Variants in ARK2N observed in about 807,000 individuals in gnomAD.
ARK2N encodes the protein protein ARK2N.
chr18:46,191,812 C>T, the ARK2N span, among the ~76,000 whole-genome samples: 11 of 152,136 alleles, frequency 7.2e-5, no homozygotes, highest in Admixed American at 6.5e-4. Context: ...CCTCTGTGCT[C>T]GGCCTCTTCA....
At chr18:46,247,725 T>C in the ARK2N span, among the ~76,000 whole-genome samples, 1 of 152,200 alleles carries the variant, frequency 6.6e-6, no homozygotes, top group Non-Finnish European at 1.5e-5. Context: ...CTGGCTGGAG[T>C]GCAGTGGTAT....
chr18:46,215,839 A>G, the ARK2N span: 9 of 1,551,246 alleles, frequency 5.8e-6, no homozygotes, highest in Admixed American at 1.6e-4. Flanking sequence ...CTTTGATATC[A>G]TTTCCTAGAC....
At chr18:46,210,851 C>T in the ARK2N span, among the ~76,000 whole-genome samples, 162 of 150,612 alleles carry the variant, frequency 1.1e-3, 1 homozygote, top group African/African-American at 3.8e-3. Flanking sequence ...GCAGAGGTTA[C>T]AGTGAGCCAG....
chr18:46,249,055 C>G, the ARK2N span, among the ~76,000 whole-genome samples: 1 of 152,166 alleles, frequency 6.6e-6, no homozygotes, highest in Admixed American at 6.5e-5. Flanking sequence ...GTTGTACTTA[C>G]CTGGCAGAGT....
At chr18:46,243,882 T>C in the ARK2N span, among the ~76,000 whole-genome samples, 1 of 152,234 alleles carries the variant, frequency 6.6e-6, no homozygotes, top group Non-Finnish European at 1.5e-5. Context: ...TAGTAGGCCC[T>C]CAGAAATGCT....
the ARK2N span, among the ~76,000 whole-genome samples, chr18:46,179,365 G>A: frequency 2.6e-5 from 4 of 152,078 alleles, no homozygotes; most frequent in Non-Finnish European, 5.9e-5. Flanking sequence ...TCCAGTCTTG[G>A]TTTTGAGTTT....
the ARK2N span, among the ~76,000 whole-genome samples, chr18:46,201,222 ATCCT>A: frequency 4.0e-5 from 6 of 151,854 alleles, no homozygotes; most frequent in Non-Finnish European, 7.4e-5. Flanking sequence ...AGCTCAAGAG[ATCCT>A]TCCTTACCTT....
the ARK2N span, among the ~76,000 whole-genome samples, chr18:46,211,576 G>A: frequency 6.6e-6 from 1 of 152,186 alleles, no homozygotes; most frequent in Non-Finnish European, 1.5e-5. Context: ...GAGATTGAAG[G>A]TGATAGGTCA....
chr18:46,203,058 GA>G, the ARK2N span, among the ~76,000 whole-genome samples: 4 of 152,146 alleles, frequency 2.6e-5, no homozygotes, highest in African/African-American at 9.7e-5. Flanking sequence ...CAAATTGATG[GA>G]AGCATTTGGG....
At chr18:46,204,104 CTTT>C in the ARK2N span, among the ~76,000 whole-genome samples, 4 of 132,610 alleles carry the variant, frequency 3.0e-5, no homozygotes, top group Non-Finnish European at 3.3e-5. Context: ...TTTTTATGTT[CTTT>C]TTTTTTTTTT....
the ARK2N span, among the ~76,000 whole-genome samples, chr18:46,197,299 A>G: frequency 2.6e-5 from 4 of 152,050 alleles, no homozygotes; most frequent in African/African-American, 7.2e-5. Flanking sequence ...CAGTGGTGCA[A>G]TCATGGCTCA....
chr18:46,263,372 C>A, the ARK2N span: 1 of 311,582 alleles, frequency 3.2e-6, no homozygotes, highest in Non-Finnish European at 5.9e-6. Flanking sequence ...TATTAGACAA[C>A]TTTATTTTAC....
At chr18:46,179,431 C>T in the ARK2N span, among the ~76,000 whole-genome samples, 2 of 152,040 alleles carry the variant, frequency 1.3e-5, no homozygotes, top group Non-Finnish European at 2.9e-5. Context: ...TACCTCTTTT[C>T]CTTACTTTTT....
At chr18:46,262,810 G>A in the ARK2N span, 1 of 1,014,116 alleles carries the variant, frequency 9.9e-7, no homozygotes, top group Non-Finnish European at 1.5e-6. Flanking sequence ...TGGGTTTTAT[G>A]AACTTGCATA....
At chr18:46,228,121 C>T in the ARK2N span, among the ~76,000 whole-genome samples, 2 of 151,918 alleles carry the variant, frequency 1.3e-5, no homozygotes, top group Non-Finnish European at 2.9e-5. Context: ...TTAAGTTTTA[C>T]ATCAACAGGA....
At chr18:46,203,004 A>C in the ARK2N span, among the ~76,000 whole-genome samples, 1 of 152,160 alleles carries the variant, frequency 6.6e-6, no homozygotes, top group Non-Finnish European at 1.5e-5. Context: ...GTGTTGGTAA[A>C]GCATGAAAAA....
the ARK2N span, among the ~76,000 whole-genome samples, chr18:46,197,091 G>C: frequency 6.6e-6 from 1 of 152,158 alleles, no homozygotes; most frequent in Non-Finnish European, 1.5e-5. Flanking sequence ...TGCATTCGAG[G>C]GAGGAGAATT....
chr18:46,212,208 A>G, the ARK2N span, among the ~76,000 whole-genome samples: 1 of 152,216 alleles, frequency 6.6e-6, no homozygotes, highest in Non-Finnish European at 1.5e-5. Flanking sequence ...ATGGCCCCAG[A>G]AAAGCACAAC....
the ARK2N span, among the ~76,000 whole-genome samples, chr18:46,207,174 C>A: frequency 6.6e-6 from 1 of 152,168 alleles, no homozygotes; most frequent in African/African-American, 2.4e-5. Flanking sequence ...CACTACCTTA[C>A]CTCAGTCACC....
Sources: gnomAD v4.1 joint callset for allele counts (sites outside exome capture counted in the v4.1 genomes callset) on GRCh38, gnomAD v4.1.1 for gene constraint, MANE v1.5 for transcripts, NCBI Gene and HGNC (gene_info 2026-07-23, HGNC 2026-07-21) for gene names.